The following HYDIN variants were observed in gnomAD, a reference collection of about 807,000 sequenced individuals.
HYDIN encodes HYDIN axonemal central pair apparatus protein.
HYDIN carries 132 observed loss-of-function variants against 403.9 expected under a neutral mutation model. The ratio of observed to expected loss-of-function variants is 0.33; its 90% CI spans 0.28 to 0.38. The LOEUF (loss-of-function observed/expected upper bound fraction) is 0.38. HYDIN is among the 10% of genes least tolerant of loss of function. HYDIN has a pLI of 1.00. For synonymous variants in HYDIN, 1,202 were observed against 1,891.7 expected, an observed-to-expected ratio of 0.64 and a Z score of 9.46; for missense variants, 2,827 against 5,009.5, an observed-to-expected ratio of 0.56 and a Z score of 13.15.
At chr16:70,888,735 C>T (rs1173557469) in intron 58 of HYDIN, among the ~76,000 whole-genome samples, 2 of 152,274 alleles carry the variant, frequency 1.3e-5, no homozygotes, top group African/African-American at 4.8e-5. Context: ...TTCTCCGACG[C>T]CACCCTGGCA....
intron 46 of HYDIN, among the ~76,000 whole-genome samples, chr16:70,919,564 G>C (rs2076936188): frequency 6.6e-6 from 1 of 152,070 alleles, no homozygotes; most frequent in Admixed American, 6.5e-5. Flanking sequence ...CCAGGCTCTA[G>C]TCTCTACTTT....
chr16:71,037,758 G>C (rs1402377626), intron 18 of HYDIN, among the ~76,000 whole-genome samples: 1 of 152,156 alleles, frequency 6.6e-6, no homozygotes, highest in Non-Finnish European at 1.5e-5. Context: ...CCAATGACCT[G>C]GGGGGCCCAG....
intron 13 of HYDIN, among the ~76,000 whole-genome samples, chr16:71,074,637 G>A (rs916797011): frequency 3.8e-5 from 5 of 130,918 alleles, no homozygotes; most frequent in African/African-American, 1.4e-4. Context: ...AGCCAACATG[G>A]TGCCACTGCA....
intron 20 of HYDIN, among the ~76,000 whole-genome samples, chr16:71,026,851 G>A (rs912586821): frequency 2.0e-5 from 3 of 152,060 alleles, no homozygotes; most frequent in Non-Finnish European, 4.4e-5. Flanking sequence ...TATTTAATGT[G>A]GGGAAAAGTC....
intron 65 of HYDIN, among the ~76,000 whole-genome samples, chr16:70,871,304 C>G (rs1405756497): frequency 2.0e-5 from 3 of 152,158 alleles, no homozygotes; most frequent in African/African-American, 7.2e-5. Flanking sequence ...CTCCATCCCC[C>G]TCGAGTACTG....
Position 70,901,065 on chromosome 16 carries a change from C to T in HYDIN, c.8987G>A (p.Gly2996Asp). 1 of 696,422 alleles carries T rather than the reference C, an allele frequency of 1.4e-6. No individual in the cohort carries two copies. Among genetic ancestry groups the T allele is most frequent in the Non-Finnish European group, 2.4e-6 (1 of 415,124 alleles). 43.1% of individuals were successfully genotyped at this position (696,422 alleles called of 1,614,324 possible). Reference sequence around the variant, plus strand: ...GGTGGGCTGAAAGTACAGGTGCAGGCCGTACTCAGCCTCAGGGGGGATGGT... The same window carrying T: ...GGTGGGCTGAAAGTACAGGTGCAGGTCGTACTCAGCCTCAGGGGGGATGGT... ...QGTIPPEAEYGLHLYFQPTKP... is the reference protein window; with the variant it reads ...QGTIPPEAEYDLHLYFQPTKP... Residue 2996 changes from glycine (G) to aspartate (D), a missense_variant, in exon 53 of 86, where the codon GGC (glycine) becomes GAC (aspartate). Gly to Asp is a moderately conservative substitution (Grantham distance 94). Coordinates refer to ENST00000393567, the MANE Select transcript of HYDIN (RefSeq NM_001270974.2).
chr16:70,810,558 G>T (rs1324711869), intron 84 of HYDIN, among the ~76,000 whole-genome samples: 1 of 152,216 alleles, frequency 6.6e-6, no homozygotes, highest in South Asian at 2.1e-4. Flanking sequence ...GGGGCCTGGT[G>T]CGGTGGCTCA....
chr16:70,959,993 C>T lies in HYDIN; in HGVS notation c.5969-173G>A, dbSNP rs1012411691. Among the ~76,000 whole-genome samples the T allele has an allele frequency of 2.6e-5, 4 of 152,158 alleles. No homozygotes were observed. In the East Asian group the frequency reaches 5.8e-4, roughly 22 times the overall value. ...TAGTGTACGACTAGGCCCTTTTGGG[C>T]TAATAATTTGTTTATAGCTACTAAA... On this transcript the variant is annotated intron_variant, in intron 38 of 85. Transcript: ENST00000393567.
At chr16:70,897,768 A>C (rs1042896639) in intron 53 of HYDIN, among the ~76,000 whole-genome samples, 3 of 152,184 alleles carry the variant, frequency 2.0e-5, no homozygotes, top group African/African-American at 4.8e-5. Flanking sequence ...AAGTGAATAT[A>C]AGTTCACTTT....
chr16:71,223,007 C>A (rs2040869346), intron 1 of HYDIN, among the ~76,000 whole-genome samples: 1 of 152,022 alleles, frequency 6.6e-6, no homozygotes, highest in Non-Finnish European at 1.5e-5. Flanking sequence ...AAAGAGCTCA[C>A]AAAGCTAAAG....
At chr16:71,226,346 T>G (rs549640068) in intron 1 of HYDIN, among the ~76,000 whole-genome samples, 1 of 150,724 alleles carries the variant, frequency 6.6e-6, no homozygotes, top group Non-Finnish European at 1.5e-5. Flanking sequence ...GGGAGGAGAG[T>G]CTCTTTAACA....
chr16:70,816,275 G>C (rs2035835513), intron 84 of HYDIN, among the ~76,000 whole-genome samples: 1 of 152,022 alleles, frequency 6.6e-6, no homozygotes, highest in Non-Finnish European at 1.5e-5. Context: ...AGATCACAAA[G>C]TAATTTAAAA....
In HYDIN at chr16:70,941,625, G is replaced by A; in HGVS notation, c.6853+11C>T. 6.6e-7 allele frequency: 1 copy of A among 1,508,104 alleles called. No homozygotes were observed. Among genetic ancestry groups the A allele is most frequent in the Non-Finnish European group, 8.9e-7 (1 of 1,126,234 alleles). 93.4% of individuals were successfully genotyped at this position (1,508,104 alleles called of 1,614,324 possible). ...TTCACTTAAGCCCAATGGAAAGGTA[G>A]GAGGCCTTGCCTTCTTGCTCCTTTT... On this transcript the variant is annotated intron_variant, in intron 43 of 85. Transcript: ENST00000393567.
intron 4 of HYDIN, 160 bp from the exon 5 acceptor site, chr16:71,175,901 C>T: frequency 4.1e-6 from 3 of 723,872 alleles, no homozygotes; most frequent in Non-Finnish European, 7.4e-6. Context: ...ATCTTTATCC[C>T]ATACAAAGTA....
chr16:71,065,471 AT>A (rs1424918305), intron 15 of HYDIN, among the ~76,000 whole-genome samples: 4 of 152,030 alleles, frequency 2.6e-5, no homozygotes, highest in Non-Finnish European at 4.4e-5. Context: ...CCATTGGTCT[AT>A]TATTAGGTGA....
chr16:71,200,973 T>G (rs1224279121), intron 1 of HYDIN, among the ~76,000 whole-genome samples: 3 of 152,150 alleles, frequency 2.0e-5, no homozygotes, highest in Admixed American at 1.3e-4. Flanking sequence ...TGTTTAAGGG[T>G]AAAATGCCTG....
chr16:70,963,206 T>C (rs1050111694), intron 37 of HYDIN, among the ~76,000 whole-genome samples: 1 of 152,068 alleles, frequency 6.6e-6, no homozygotes, highest in African/African-American at 2.4e-5. Flanking sequence ...TTCTGATTTT[T>C]TTTTCCCCGG....
chr16:71,170,745 A>T (rs990665336), intron 5 of HYDIN, among the ~76,000 whole-genome samples: 11 of 152,136 alleles, frequency 7.2e-5, no homozygotes, highest in Non-Finnish European at 1.6e-4. Context: ...AGGCACAATC[A>T]TGGTACTGTG....
At chr16:71,074,464 C>T (rs1230339132) in intron 13 of HYDIN, among the ~76,000 whole-genome samples, 13 of 151,804 alleles carry the variant, frequency 8.6e-5, no homozygotes, top group Admixed American at 4.6e-4. Context: ...GGTGGATCAC[C>T]TGAGGTCAGG....
Sources: gnomAD v4.1 joint callset for allele counts (sites outside exome capture counted in the v4.1 genomes callset) on GRCh38, gnomAD v4.1.1 for gene constraint, MANE v1.5 for transcripts, NCBI Gene and HGNC (gene_info 2026-07-23, HGNC 2026-07-21) for gene names.